MGST1: variants seen among roughly 807,000 people sequenced by gnomAD.
MGST1 encodes the protein glutathione S-transferase 12.
In MGST1, 5 loss-of-function variants were observed where a neutral mutation model predicts 8.9. That is an observed-to-expected ratio of 0.56 (90% CI 0.29 to 1.19). The LOEUF (loss-of-function observed/expected upper bound fraction) is 1.19. MGST1 is among the 50% of genes most tolerant of loss of function. The probability of loss-of-function intolerance (pLI) is 0.08; values close to 1 mark genes in which losing one functional copy is unlikely to be tolerated. For missense variants in MGST1, 182 were observed against 187.4 expected (o/e 0.97, Z 0.17); for synonymous variants, 54 against 67.8 (o/e 0.80, Z 1.00).
downstream of MGST1, among the ~76,000 whole-genome samples, chr12:16,365,674 G>A (rs565488201): frequency 7.7e-4 from 117 of 152,282 alleles, no homozygotes; most frequent in African/African-American, 2.5e-3. Flanking sequence ...AAAAGACCAC[G>A]AGCTCAGGAG....
intron 4 of MGST1, among the ~76,000 whole-genome samples, chr12:16,465,290 C>T (rs1455040307): frequency 3.9e-5 from 6 of 152,150 alleles, no homozygotes; most frequent in African/African-American, 7.2e-5. Context: ...TTAATTCTGA[C>T]GAACCTACAT....
chr12:16,424,396 T>A (rs1386013940), intron 1 of MGST1, among the ~76,000 whole-genome samples: 1 of 152,194 alleles, frequency 6.6e-6, no homozygotes, highest in Non-Finnish European at 1.5e-5. Flanking sequence ...AAATTCAACT[T>A]TCTCTGCAAA....
At position 16,585,090 on chromosome 12, in the gene MGST1, C is replaced by T. The variant is rs970365379; in HGVS notation, n.483-4438C>T. On this transcript the variant is annotated intron_variant and non_coding_transcript_variant, in intron 4 of 4. Coordinates refer to the MGST1 transcript ENST00000538857. This position sits in a 1 kb window ranked among gnomAD's most constrained non-coding sequence, Gnocchi z 4.7. ...ATCCAGAAAAATCAGCAACATTAGG[C>T]CCACATTCGTACAGTGTGCTGGAAT... 3.9e-5 allele frequency among the ~76,000 whole-genome samples: 6 copies of T among 152,118 alleles called. No individual in the cohort carries two copies. The highest frequency in any genetic ancestry group is 1.4e-4 in the African/African-American group (6 of 41,422).
chr12:16,481,607 G>A (rs1164944352), intron 4 of MGST1, among the ~76,000 whole-genome samples: 1 of 152,092 alleles, frequency 6.6e-6, no homozygotes, highest in Non-Finnish European at 1.5e-5. Context: ...ATTGAAATTA[G>A]AAACAGTAGA....
downstream of MGST1, among the ~76,000 whole-genome samples, chr12:16,591,481 T>C (rs532254060): frequency 2.0e-5 from 3 of 152,122 alleles, no homozygotes; most frequent in South Asian, 6.2e-4. This position sits in a 1 kb window ranked among gnomAD's most constrained non-coding sequence, Gnocchi z 4.1. Flanking sequence ...GTTGATTACC[T>C]ATTTCCCCTA....
At chr12:16,349,977 C>T (rs1036667216) in intron 1 of MGST1, among the ~76,000 whole-genome samples, 2 of 152,118 alleles carry the variant, frequency 1.3e-5, no homozygotes, top group Non-Finnish European at 2.9e-5. Flanking sequence ...ATCTCCTGAC[C>T]TCGTGATCTG....
At chr12:16,568,175 A>G (rs998880354) in intron 4 of MGST1, among the ~76,000 whole-genome samples, 1 of 152,198 alleles carries the variant, frequency 6.6e-6, no homozygotes, top group Non-Finnish European at 1.5e-5. Context: ...CTGATTTCCC[A>G]TTAGAACTAC....
In MGST1 at chr12:16,422,260, C is replaced by T. The variant is rs188987279; in HGVS notation, n.779-15128C>T. 1.2e-4 allele frequency among the ~76,000 whole-genome samples: 18 copies of T among 152,210 alleles called. No individual in the cohort carries two copies. The South Asian group carries it at 1.9e-3, about 16-fold the overall frequency. On this transcript the variant is annotated intron_variant and non_coding_transcript_variant, in intron 1 of 1. Transcript: ENST00000359720. ...TCTATAGTGTGTATATGAATCTATCCATCTATCTATATATATTTATCTTGG... is the reference window on the plus strand; with the variant it reads ...TCTATAGTGTGTATATGAATCTATCTATCTATCTATATATATTTATCTTGG...
downstream of MGST1, among the ~76,000 whole-genome samples, chr12:16,442,132 C>T (rs374749022): frequency 2.6e-5 from 4 of 151,782 alleles, no homozygotes; most frequent in East Asian, 1.9e-4. This position sits in a 1 kb window ranked among gnomAD's most constrained non-coding sequence, Gnocchi z 4.5. Context: ...TTGTCTGTTC[C>T]GATCTTTTGC....
Position 16,513,732 on chromosome 12 carries a change from T to TGTGC in MGST1, n.483-75796_483-75795insGTGC, listed in dbSNP as rs1941592378. The TGTGC allele has an allele frequency of 1.1e-5, 6 of 569,092 alleles. No homozygotes were observed. Among genetic ancestry groups the TGTGC allele is most frequent in the Non-Finnish European group, 2.1e-5 (6 of 284,240 alleles). 35.3% of individuals were successfully genotyped at this position (569,092 alleles called of 1,614,324 possible). ...CTGCAGAAGTAGCCTTGGGCGAGAA[T>TGTGC]AGCGAAGTCTCGAAAAGTGGCCGGT... On this transcript the variant is annotated intron_variant and non_coding_transcript_variant, in intron 4 of 4. Coordinates refer to the MGST1 transcript ENST00000538857. This position sits in a 1 kb window ranked among gnomAD's most constrained non-coding sequence, Gnocchi z 4.2.
intron 2 of MGST1, among the ~76,000 whole-genome samples, chr12:16,356,757 G>A (rs4149192): frequency 6.6e-6 from 1 of 152,070 alleles, no homozygotes; most frequent in Non-Finnish European, 1.5e-5. Context: ...TCATTATACA[G>A]TATTCTTCAA....
downstream of MGST1, among the ~76,000 whole-genome samples, chr12:16,592,289 T>C (rs902339234): frequency 6.6e-6 from 1 of 152,042 alleles, no homozygotes; most frequent in Admixed American, 6.6e-5. Flanking sequence ...CAGCAAGGGT[T>C]GCACCGTGAA....
intron 4 of MGST1, among the ~76,000 whole-genome samples, chr12:16,528,023 G>T (rs7310734): frequency 0.22 from 34,168 of 151,960 alleles, 5,010 homozygotes; most frequent in Non-Finnish European, 0.32. Context: ...CAGATCTGTT[G>T]ATTCTAATTC....
intron 1 of MGST1, among the ~76,000 whole-genome samples, chr12:16,425,087 C>T (rs2137087283): frequency 6.6e-6 from 1 of 152,232 alleles, no homozygotes; most frequent in East Asian, 1.9e-4. Context: ...CAATTTGATT[C>T]AGGTACATGG....
chr12:16,475,033 A>G (rs1941312425), intron 4 of MGST1, among the ~76,000 whole-genome samples: 1 of 152,126 alleles, frequency 6.6e-6, no homozygotes, highest in Non-Finnish European at 1.5e-5. Context: ...TAAATTTGTA[A>G]CTCAGGGAAG....
intron 4 of MGST1, among the ~76,000 whole-genome samples, chr12:16,457,297 T>C (rs1941181900): frequency 6.6e-6 from 1 of 152,006 alleles, no homozygotes; most frequent in South Asian, 2.1e-4. Flanking sequence ...TGTATATACA[T>C]TTACATTTGA....
intron 1 of MGST1, among the ~76,000 whole-genome samples, chr12:16,432,725 CACACACAG>C (rs1459059843): frequency 2.9e-3 from 289 of 99,980 alleles, no homozygotes; most frequent in African/African-American, 5.8e-3. Context: ...CACACACACA[CACACACAG>C]AGAGAGAGAA....
exon 1 of MGST1, chr12:16,382,915 G>C (rs1391133702): frequency 1.3e-5 from 2 of 153,210 alleles, no homozygotes; most frequent in Non-Finnish European, 2.9e-5. Context: ...AGCAATGAGC[G>C]AGACTCCGTG....
chr12:16,496,803 T>C (rs1167099170), intron 4 of MGST1, among the ~76,000 whole-genome samples: 1 of 152,090 alleles, frequency 6.6e-6, no homozygotes, highest in Non-Finnish European at 1.5e-5. Context: ...TGCATTGGAA[T>C]GGTTGCTTTG....
Sources: allele counts gnomAD v4.1 joint callset (sites outside exome capture counted in the v4.1 genomes callset), GRCh38; gene constraint gnomAD v4.1.1; non-coding constraint Gnocchi (gnomAD v3.1); transcripts MANE v1.5; gene names NCBI Gene and HGNC (gene_info 2026-07-23, HGNC 2026-07-21).